Variants in ANAPC5 observed in about 807,000 individuals in gnomAD.
ANAPC5 encodes anaphase promoting complex subunit 5.
ANAPC5 carries 60 observed loss-of-function variants against 91.3 expected under a neutral mutation model. That is an observed-to-expected ratio of 0.66 (90% confidence interval 0.53 to 0.81). ANAPC5 has a LOEUF of 0.81. ANAPC5 is among the 40% of genes least tolerant of loss of function. The probability of loss-of-function intolerance (pLI) is 0.00; values close to 1 mark genes in which losing one functional copy is unlikely to be tolerated. For synonymous variants in ANAPC5, 340 were observed against 364.1 expected (o/e 0.93, Z 0.75); for missense variants, 690 against 931.5 (o/e 0.74, Z 3.37).
At chr12:121,320,634 C>A (rs1299141041) in intron 11 of ANAPC5, 175 bp from the exon 12 acceptor site, 2 of 461,238 alleles carry the variant, frequency 4.3e-6, no homozygotes, top group African/African-American at 2.0e-5. Flanking sequence ...GACAGAGTCT[C>A]GCTCTGTAGC....
intron 6 of ANAPC5, among the ~76,000 whole-genome samples, chr12:121,336,820 G>C (rs563478465): frequency 6.6e-6 from 1 of 152,320 alleles, no homozygotes; most frequent in African/African-American, 2.4e-5. Context: ...AGGAGGGAGG[G>C]AGGAGCTTTG....
At position 121,309,687 on chromosome 12, in the gene ANAPC5, G is replaced by C. The variant is rs910433042; in HGVS notation, c.2056+14C>G. 2 of 1,610,176 alleles carry C rather than the reference G, an allele frequency of 1.2e-6. No individual in the cohort carries two copies. Among genetic ancestry groups the C allele is most frequent in the East Asian group, 2.2e-5 (1 of 44,820 alleles). ...GGAATAGCATTGCCTAACAGTCTTCGTACAGCTTCCTACCTTCTGCTTTCT... is the reference window on the plus strand; with the variant it reads ...GGAATAGCATTGCCTAACAGTCTTCCTACAGCTTCCTACCTTCTGCTTTCT... On this transcript the variant is annotated intron_variant, in intron 16 of 16. Coordinates refer to ENST00000261819, the MANE Select transcript of ANAPC5 (RefSeq NM_016237.5).
chr12:121,325,439 G>A (rs1902772007), intron 11 of ANAPC5, among the ~76,000 whole-genome samples: 1 of 150,424 alleles, frequency 6.6e-6, no homozygotes, highest in African/African-American at 2.5e-5. Flanking sequence ...CTCCAGCCTG[G>A]GTGACAGAGT....
intron 11 of ANAPC5, among the ~76,000 whole-genome samples, chr12:121,325,191 G>A (rs560631020): frequency 1.5e-4 from 23 of 152,014 alleles, no homozygotes; most frequent in Admixed American, 3.9e-4. Flanking sequence ...GGCTGGGCGC[G>A]GTGGCTAACG....
intron 15 of ANAPC5, among the ~76,000 whole-genome samples, chr12:121,310,985 T>A (rs1284815646): frequency 7.0e-6 from 1 of 142,736 alleles, no homozygotes; most frequent in Admixed American, 7.0e-5. Context: ...TAAAGGTAAA[T>A]GAGTTAAACT....
rs1409783963 is a variant in ANAPC5, at chr12:121,328,434, T to C, written c.1186A>G (p.Asn396Asp). 10 of 1,613,776 alleles carry C rather than the reference T, an allele frequency of 6.2e-6. No homozygotes were observed. The Admixed American group carries it at 8.3e-5, about 13-fold the overall frequency. The change falls in exon 10 of 17, where the codon AAC becomes GAC. Residue 396 changes from asparagine (N) to aspartate (D), a missense_variant. Asn to Asp is a conservative substitution (Grantham distance 23, BLOSUM62 1). Transcript: ENST00000261819. ...TCCTTTAGGGCATCCATCAGCTTGTTTGCCGTCTTCCCAGCAAAAGCTCTC... is the reference window on the plus strand; with the variant it reads ...TCCTTTAGGGCATCCATCAGCTTGTCTGCCGTCTTCCCAGCAAAAGCTCTC... ...QQRAFAGKTA[N>D]KLMDALKDSD...
At chr12:121,323,857 T>G (rs1366919090) in intron 11 of ANAPC5, among the ~76,000 whole-genome samples, 1 of 152,206 alleles carries the variant, frequency 6.6e-6, no homozygotes, top group African/African-American at 2.4e-5. Flanking sequence ...GAGTCGGGCA[T>G]GGGGATATAG....
chr12:121,339,051 T>C (rs906130752), intron 5 of ANAPC5, among the ~76,000 whole-genome samples: 1 of 150,604 alleles, frequency 6.6e-6, no homozygotes, highest in Admixed American at 6.6e-5. Flanking sequence ...ATGACTTTTT[T>C]TTCTTTTTTT....
intron 1 of ANAPC5, among the ~76,000 whole-genome samples, chr12:121,348,990 C>A (rs543305165): frequency 1.3e-5 from 2 of 152,290 alleles, no homozygotes; most frequent in East Asian, 3.9e-4. Context: ...TGGGGCCTGG[C>A]GCAGTGGCTC....
intron 11 of ANAPC5, chr12:121,321,217 C>A (rs557623945): frequency 6.6e-6 from 1 of 151,558 alleles, no homozygotes; most frequent in African/African-American, 2.4e-5. Context: ...CCATTGCACT[C>A]CAGCCTAGGC....
rs1046573157 is a variant in ANAPC5, at chr12:121,342,323, C to T, written c.591-254G>A. Among the ~76,000 whole-genome samples the T allele has an allele frequency of 6.6e-6, 1 of 152,070 alleles. No homozygotes were observed. ...TTTGATAGGGAAAGGACAGCCTTTCCAACCAATGATGCTGGGAAAACTGCA... is the reference window on the plus strand; with the variant it reads ...TTTGATAGGGAAAGGACAGCCTTTCTAACCAATGATGCTGGGAAAACTGCA... On this transcript the variant is annotated intron_variant, in intron 4 of 16. Transcript: ENST00000261819. The surrounding 1 kb of genome is among the most constrained non-coding windows in gnomAD (Gnocchi z 4.1).
intron 15 of ANAPC5, among the ~76,000 whole-genome samples, chr12:121,314,286 C>A (rs1000231546): frequency 2.0e-5 from 3 of 152,140 alleles, no homozygotes; most frequent in Non-Finnish European, 4.4e-5. Flanking sequence ...GTGATCCCAG[C>A]TACTTGGGAA....
chr12:121,315,516 T>C (rs1902320845), intron 15 of ANAPC5, among the ~76,000 whole-genome samples: 1 of 152,250 alleles, frequency 6.6e-6, no homozygotes, highest in African/African-American at 2.4e-5. Flanking sequence ...TCCCACTTCC[T>C]GATTTCAAAA....
chr12:121,341,999 A>G lies in ANAPC5; in HGVS notation c.657+4T>C, dbSNP rs1903477268. On this transcript the variant is annotated splice_donor_region_variant and intron_variant, in intron 5 of 16. Coordinates refer to ENST00000261819, the MANE Select transcript of ANAPC5 (RefSeq NM_016237.5). ...GTTCATGATAAATTACAGAATTCACATACCTGTTGAGAAAGAAAAAATTCT... is the reference window on the plus strand; with the variant it reads ...GTTCATGATAAATTACAGAATTCACGTACCTGTTGAGAAAGAAAAAATTCT... The G allele has an allele frequency of 6.2e-7, 1 of 1,605,950 alleles. No individual in the cohort carries two copies.
rs782528523 is a variant in ANAPC5, at chr12:121,331,439, A to C, written c.951-11T>G. ...AGCTCTGCCTGTTGACTAATGACAGACTAAACATTAATATCCCATTAATAA... is the reference window on the plus strand; with the variant it reads ...AGCTCTGCCTGTTGACTAATGACAGCCTAAACATTAATATCCCATTAATAA... On this transcript the variant is annotated splice_polypyrimidine_tract_variant and intron_variant, in intron 7 of 16. Transcript: ENST00000261819. 1 of 1,602,530 alleles carries C rather than the reference A, an allele frequency of 6.2e-7. No individual in the cohort carries two copies. Among genetic ancestry groups the C allele is most frequent in the Non-Finnish European group, 8.5e-7 (1 of 1,170,354 alleles).
chr12:121,339,814 C>G (rs1903374117), intron 5 of ANAPC5, among the ~76,000 whole-genome samples: 1 of 149,604 alleles, frequency 6.7e-6, no homozygotes, highest in East Asian at 2.0e-4. Context: ...CATGGAGATG[C>G]TTTCAATTTT....
intron 11 of ANAPC5, among the ~76,000 whole-genome samples, chr12:121,323,956 A>G (rs973001697): frequency 5.9e-5 from 9 of 152,070 alleles, no homozygotes; most frequent in Non-Finnish European, 2.9e-5. Flanking sequence ...CTAGAATTAC[A>G]TGGAAAGAGC....
At chr12:121,349,281 C>A (rs1555275041) in intron 1 of ANAPC5, among the ~76,000 whole-genome samples, 1 of 151,948 alleles carries the variant, frequency 6.6e-6, no homozygotes, top group Non-Finnish European at 1.5e-5. Flanking sequence ...CAGTAGGGGG[C>A]CAGGTGTGGT....
chr12:121,333,636 A>G (rs1332536734), intron 7 of ANAPC5: 2 of 152,190 alleles, frequency 1.3e-5, no homozygotes, highest in African/African-American at 4.8e-5. Context: ...CCTTAATAAC[A>G]TCTTTGGTCT....
Sources: gnomAD v4.1 joint callset for allele counts (sites outside exome capture counted in the v4.1 genomes callset) on GRCh38, gnomAD v4.1.1 for gene constraint, Gnocchi (gnomAD v3.1) non-coding constraint, MANE v1.5 for transcripts, NCBI Gene and HGNC (gene_info 2026-07-23, HGNC 2026-07-21) for gene names.